PTPRK: variants seen among roughly 807,000 people sequenced by gnomAD.
The protein encoded by PTPRK is protein tyrosine phosphatase receptor type K, also known as receptor-type tyrosine-protein phosphatase kappa.
A neutral mutation model predicts 178.0 loss-of-function variants in PTPRK; 75 were observed. The ratio of observed to expected loss-of-function variants is 0.42; its 90% confidence interval spans 0.35 to 0.51. The LOEUF (loss-of-function observed/expected upper bound fraction) is 0.51. PTPRK is among the 20% of genes least tolerant of loss of function. PTPRK has a pLI of 0.02. For synonymous variants in PTPRK, 637 were observed against 620.6 expected (o/e 1.03, Z -0.39); for missense variants, 1,441 against 1,797.8 (o/e 0.80, Z 3.59).
chr6:128,480,414 C>T (rs1039926825), intron 1 of PTPRK, among the ~76,000 whole-genome samples: 1 of 150,814 alleles, frequency 6.6e-6, no homozygotes. Context: ...TTATTTGTGA[C>T]TCTTTCTCTT....
chr6:128,384,348 A>T (rs977545231), intron 2 of PTPRK, among the ~76,000 whole-genome samples: 5 of 151,918 alleles, frequency 3.3e-5, no homozygotes, highest in African/African-American at 1.2e-4. Flanking sequence ...CTTAATAGAG[A>T]TATCTCGCAA....
chr6:128,353,212 C>T (rs1293808267), intron 2 of PTPRK, among the ~76,000 whole-genome samples: 2 of 152,092 alleles, frequency 1.3e-5, no homozygotes, highest in Non-Finnish European at 1.5e-5. Context: ...AAATAAAACA[C>T]AGTGCTAGCA....
chr6:128,257,460 A>C (rs1441507520), intron 3 of PTPRK, among the ~76,000 whole-genome samples: 1 of 152,182 alleles, frequency 6.6e-6, no homozygotes, highest in Non-Finnish European at 1.5e-5. Context: ...GAAAGACCTA[A>C]ACATGTAATA....
At chr6:128,272,045 A>G (rs1819904804) in intron 3 of PTPRK, among the ~76,000 whole-genome samples, 1 of 152,096 alleles carries the variant, frequency 6.6e-6, no homozygotes, top group Non-Finnish European at 1.5e-5. Flanking sequence ...TCATTAAAAT[A>G]TAGGTTAAAA....
At chr6:128,274,403 A>C (rs1820396930) in intron 3 of PTPRK, among the ~76,000 whole-genome samples, 1 of 152,132 alleles carries the variant, frequency 6.6e-6, no homozygotes, top group African/African-American at 2.4e-5. Flanking sequence ...TGTTTTGCTA[A>C]GTCTATTATG....
chr6:128,205,950 C>T (rs917703038), intron 6 of PTPRK, among the ~76,000 whole-genome samples: 1 of 151,912 alleles, frequency 6.6e-6, no homozygotes, highest in African/African-American at 2.4e-5. Flanking sequence ...CTGGAATAGA[C>T]TTTCTTAGTT....
At chr6:128,005,946 A>C in intron 14 of PTPRK, 1 of 1,113,708 alleles carries the variant, frequency 9.0e-7, no homozygotes, top group Non-Finnish European at 1.2e-6. Context: ...CCAAAATTGC[A>C]AGCATTCTGT....
intron 13 of PTPRK, among the ~76,000 whole-genome samples, chr6:128,022,202 G>A (rs2114765111): frequency 6.6e-6 from 1 of 152,268 alleles, no homozygotes; most frequent in South Asian, 2.1e-4. Flanking sequence ...GTTCTCAGAA[G>A]AAATTAAGTG....
intron 2 of PTPRK, among the ~76,000 whole-genome samples, chr6:128,375,385 T>C (rs1836915809): frequency 6.6e-6 from 1 of 151,640 alleles, no homozygotes; most frequent in Non-Finnish European, 1.5e-5. Context: ...AAAGAGAGCT[T>C]GTGCAGGGAA....
At chr6:128,312,875 A>G (rs1827445248) in intron 3 of PTPRK, among the ~76,000 whole-genome samples, 1 of 152,136 alleles carries the variant, frequency 6.6e-6, no homozygotes, top group South Asian at 2.1e-4. Flanking sequence ...TGAGCATTCC[A>G]TGAAGTATTC....
chr6:128,228,996 CA>C (rs1318774523), intron 5 of PTPRK, among the ~76,000 whole-genome samples: 1 of 151,932 alleles, frequency 6.6e-6, no homozygotes, highest in African/African-American at 2.4e-5. Context: ...ATCAAGGGCA[CA>C]AAAAACTATT....
intron 3 of PTPRK, among the ~76,000 whole-genome samples, chr6:128,264,160 CGAA>C (rs1025942510): frequency 1.3e-5 from 2 of 152,226 alleles, no homozygotes; most frequent in African/African-American, 4.8e-5. Flanking sequence ...GTCCAGTTAA[CGAA>C]GAAGATGCCT....
At chr6:128,197,724 T>C (rs778560189) in intron 6 of PTPRK, among the ~76,000 whole-genome samples, 3 of 151,920 alleles carry the variant, frequency 2.0e-5, no homozygotes, top group Non-Finnish European at 4.4e-5. Flanking sequence ...CAAACTATAC[T>C]AGATAGATTT....
chr6:128,216,996 C>T (rs1355344554), intron 6 of PTPRK, among the ~76,000 whole-genome samples: 3 of 152,144 alleles, frequency 2.0e-5, no homozygotes, highest in Admixed American at 2.0e-4. Context: ...ATCTCCTTCA[C>T]TGGTTGCAAA....
At chr6:128,405,621 G>C (rs944485294) in intron 1 of PTPRK, among the ~76,000 whole-genome samples, 1 of 152,040 alleles carries the variant, frequency 6.6e-6, no homozygotes, top group African/African-American at 2.4e-5. Context: ...ACATATCTTT[G>C]TTTTGTTTTG....
At chr6:128,200,019 C>A (rs1805625979) in intron 6 of PTPRK, among the ~76,000 whole-genome samples, 4 of 152,154 alleles carry the variant, frequency 2.6e-5, no homozygotes, top group Admixed American at 2.6e-4. Flanking sequence ...TGTGATTATA[C>A]CACATAAAGG....
chr6:128,512,705 A>C (rs1270558787), intron 1 of PTPRK, among the ~76,000 whole-genome samples: 29 of 152,232 alleles, frequency 1.9e-4, no homozygotes, highest in Non-Finnish European at 2.9e-5. Context: ...ACTGTCTATT[A>C]CATCATAATT....
At chr6:128,058,817 A>G (rs1055928271) in intron 13 of PTPRK, among the ~76,000 whole-genome samples, 2 of 151,952 alleles carry the variant, frequency 1.3e-5, no homozygotes, top group African/African-American at 4.8e-5. Context: ...TCTAAAAACT[A>G]TACTGTTATA....
chr6:128,043,094 A>T (rs1485758611), intron 13 of PTPRK, among the ~76,000 whole-genome samples: 2 of 152,090 alleles, frequency 1.3e-5, no homozygotes, highest in African/African-American at 4.8e-5. Context: ...TAATAAACAA[A>T]TGGCATCCTC....
Sources: gnomAD v4.1 joint callset for allele counts (sites outside exome capture counted in the v4.1 genomes callset) on GRCh38, gnomAD v4.1.1 for gene constraint, MANE v1.5 for transcripts, NCBI Gene and HGNC (gene_info 2026-07-23, HGNC 2026-07-21) for gene names.